The following PDGFC variants were observed in gnomAD, a reference collection of about 807,000 sequenced individuals.
The protein encoded by PDGFC is platelet-derived growth factor C.
PDGFC carries 12 observed loss-of-function variants against 35.5 expected under a neutral mutation model. That is an observed-to-expected ratio of 0.34 (90% CI 0.22 to 0.55). The LOEUF is 0.55. PDGFC is among the 20% of genes least tolerant of loss of function. PDGFC has a pLI of 0.91. For missense variants in PDGFC, 322 were observed against 412.4 expected, an observed-to-expected ratio of 0.78 and a Z score of 1.90; for synonymous variants, 159 against 148.8, an observed-to-expected ratio of 1.07 and a Z score of -0.50.
At chr4:156,798,705 G>A (rs1731514844) in intron 3 of PDGFC, among the ~76,000 whole-genome samples, 1 of 152,110 alleles carries the variant, frequency 6.6e-6, no homozygotes, top group Non-Finnish European at 1.5e-5. Flanking sequence ...CCTCACTCAG[G>A]TATTGAAAGT....
Position 156,825,578 on chromosome 4 carries a change from TAATAATAATAATAATAAGAAGAAG to T in PDGFC, c.315-14585_315-14562del, listed in dbSNP as rs1173010947. 2.8e-3 allele frequency among the ~76,000 whole-genome samples: 269 copies of T among 94,962 alleles called. 1 individual carries two copies. Among genetic ancestry groups the T allele is most frequent in the East Asian group, 0.015 (51 of 3,468 alleles). 62.3% of individuals were successfully genotyped at this position (94,962 alleles called of 152,430 possible). A position where few individuals can be genotyped will look rare whatever the true frequency, so the allele number is the denominator to read the frequency against. On this transcript the variant is annotated intron_variant, in intron 2 of 5. Coordinates refer to ENST00000502773, the MANE Select transcript of PDGFC (RefSeq NM_016205.3). ...ATAATAATAATAATAATAATAATAA[TAATAATAATAATAATAAGAAGAAG>T]AAGAAGAAGAAGAAGAAGAAGAAGA...
intron 1 of PDGFC, among the ~76,000 whole-genome samples, chr4:156,926,919 A>G (rs572495834): frequency 6.6e-6 from 1 of 152,298 alleles, no homozygotes; most frequent in Non-Finnish European, 1.5e-5. Flanking sequence ...ACACTGCCCT[A>G]GCAGAGGTTC....
At chr4:156,786,895 C>T (rs992000669) in intron 3 of PDGFC, among the ~76,000 whole-genome samples, 9 of 152,194 alleles carry the variant, frequency 5.9e-5, no homozygotes. Flanking sequence ...AAGGATCACA[C>T]TCACTGCTGT....
intron 1 of PDGFC, among the ~76,000 whole-genome samples, chr4:156,876,116 C>A (rs1226310812): frequency 6.6e-6 from 1 of 152,080 alleles, no homozygotes; most frequent in African/African-American, 2.4e-5. Flanking sequence ...AAACCACAAA[C>A]AAAACAAAAC....
chr4:156,895,633 GA>G (rs77576325), intron 1 of PDGFC, among the ~76,000 whole-genome samples: 124 of 115,872 alleles, frequency 1.1e-3, no homozygotes, highest in Middle Eastern at 5.4e-3. Context: ...CTCTGTCTCA[GA>G]AAAAAAAAAA....
At chr4:156,876,118 A>C (rs1730111284) in intron 1 of PDGFC, among the ~76,000 whole-genome samples, 1 of 152,134 alleles carries the variant, frequency 6.6e-6, no homozygotes, top group African/African-American at 2.4e-5. Context: ...ACCACAAACA[A>C]AACAAAACAA....
At position 156,805,503 on chromosome 4, in the gene PDGFC, A is replaced by G. The variant is rs192261261; in HGVS notation, c.495+5334T>C. 2.6e-5 allele frequency among the ~76,000 whole-genome samples: 4 copies of G among 152,200 alleles called. No individual in the cohort carries two copies. The East Asian group carries it at 7.7e-4, about 29-fold the overall frequency. ...AGTTATGAAAATTTAACATTTTAAAAAATCTTGAGTACATCCCACCACTAA... is the reference window on the plus strand; with the variant it reads ...AGTTATGAAAATTTAACATTTTAAAGAATCTTGAGTACATCCCACCACTAA... On this transcript the variant is annotated intron_variant, in intron 3 of 5. Coordinates refer to ENST00000502773, the MANE Select transcript of PDGFC (RefSeq NM_016205.3).
At chr4:156,947,464 A>G (rs1731974795) in intron 1 of PDGFC, among the ~76,000 whole-genome samples, 1 of 152,062 alleles carries the variant, frequency 6.6e-6, no homozygotes, top group Non-Finnish European at 1.5e-5. Flanking sequence ...CTAAGTAAAC[A>G]TCAAAATGAA....
chr4:156,771,923 T>G (rs913816766), intron 4 of PDGFC, among the ~76,000 whole-genome samples: 7 of 152,196 alleles, frequency 4.6e-5, no homozygotes, highest in African/African-American at 1.7e-4. Flanking sequence ...ATGGATGCTT[T>G]CCAATTCCAA....
At chr4:156,774,858 T>C (rs1434088281) in intron 3 of PDGFC, among the ~76,000 whole-genome samples, 1 of 152,070 alleles carries the variant, frequency 6.6e-6, no homozygotes, top group Non-Finnish European at 1.5e-5. Context: ...TTTGTATATC[T>C]GAGGTTTATG....
At chr4:156,834,342 T>C (rs1045822494) in intron 2 of PDGFC, among the ~76,000 whole-genome samples, 6 of 152,166 alleles carry the variant, frequency 3.9e-5, no homozygotes, top group Non-Finnish European at 8.8e-5. Flanking sequence ...TTTCTCAAAG[T>C]ACACTAAGAT....
At chr4:156,907,694 C>T (rs949530165) in intron 1 of PDGFC, among the ~76,000 whole-genome samples, 6 of 152,122 alleles carry the variant, frequency 3.9e-5, no homozygotes, top group African/African-American at 1.4e-4. Flanking sequence ...TACCTATAAG[C>T]AGGCATGTGC....
chr4:156,947,762 AAAT>A (rs1391184189), intron 1 of PDGFC, among the ~76,000 whole-genome samples: 1 of 152,018 alleles, frequency 6.6e-6, no homozygotes, highest in Non-Finnish European at 1.5e-5. Flanking sequence ...TCCAAAAACT[AAAT>A]AATATTTCCT....
intron 1 of PDGFC, among the ~76,000 whole-genome samples, chr4:156,910,507 C>T (rs779859564): frequency 5.3e-5 from 8 of 152,046 alleles, no homozygotes; most frequent in African/African-American, 9.7e-5. Context: ...AAAATTCATA[C>T]GTAGATTTTG....
At chr4:156,824,954 T>C (rs532002232) in intron 2 of PDGFC, among the ~76,000 whole-genome samples, 2 of 152,280 alleles carry the variant, frequency 1.3e-5, no homozygotes, top group African/African-American at 2.4e-5. Flanking sequence ...AAATCAGTCA[T>C]AATTAAGTAA....
At chr4:156,827,214 G>C (rs1395942249) in intron 2 of PDGFC, among the ~76,000 whole-genome samples, 3 of 152,096 alleles carry the variant, frequency 2.0e-5, no homozygotes, top group Admixed American at 6.6e-5. Context: ...TCAGGAGATT[G>C]AGACCATCCT....
chr4:156,905,302 A>G (rs1020794994), intron 1 of PDGFC, among the ~76,000 whole-genome samples: 1 of 152,106 alleles, frequency 6.6e-6, no homozygotes, highest in African/African-American at 2.4e-5. Flanking sequence ...TATATGACAG[A>G]CACTGTTTTT....
intron 1 of PDGFC, among the ~76,000 whole-genome samples, chr4:156,883,084 CAAAAA>C (rs376927288): frequency 2.4e-5 from 2 of 83,254 alleles, no homozygotes; most frequent in Admixed American, 1.3e-4. Context: ...ATTCTGTCTC[CAAAAA>C]AAAAAAAAAA....
intron 2 of PDGFC, among the ~76,000 whole-genome samples, chr4:156,818,470 A>G (rs1348066643): frequency 1.3e-5 from 2 of 149,362 alleles, no homozygotes; most frequent in Non-Finnish European, 3.0e-5. Context: ...CAACTTGTCT[A>G]ACTGGTGCAA....
Sources: allele counts gnomAD v4.1 joint callset (sites outside exome capture counted in the v4.1 genomes callset), GRCh38; gene constraint gnomAD v4.1.1; transcripts MANE v1.5; gene names NCBI Gene and HGNC (gene_info 2026-07-23, HGNC 2026-07-21).